Variants in S100Z observed in about 807,000 individuals in gnomAD.
The protein encoded by S100Z is S100 calcium binding protein Z, also known as protein S100-Z.
Under a neutral mutation model 8.5 loss-of-function variants are expected in S100Z, and 11 were observed. The observed-to-expected ratio is 1.30, with a 90% confidence interval of 0.82 to 2.15. The LOEUF (loss-of-function observed/expected upper bound fraction) is 2.15, where lower values mean the gene tolerates loss of function less well. S100Z is among the 30% of genes most tolerant of loss of function. The pLI, the probability that S100Z is intolerant of heterozygous loss-of-function variation, is 0.00. For missense variants in S100Z, 126 were observed against 117.9 expected, an observed-to-expected ratio of 1.07 and a Z score of -0.32; for synonymous variants, 34 against 43.8, an observed-to-expected ratio of 0.78 and a Z score of 0.89.
chr5:76,871,461 G>T (rs1481293749), intron 2 of S100Z, among the ~76,000 whole-genome samples: 10 of 151,040 alleles, frequency 6.6e-5, no homozygotes, highest in Non-Finnish European at 1.5e-5. Flanking sequence ...TCTTTCTGCT[G>T]ACTTCAAGTC....
intron 4 of S100Z, among the ~76,000 whole-genome samples, chr5:76,888,263 A>T (rs1304333675): frequency 2.6e-5 from 4 of 151,464 alleles, no homozygotes; most frequent in African/African-American, 9.7e-5. Flanking sequence ...TCTCAAAAAA[A>T]AGAAAAAAAA....
intron 4 of S100Z, among the ~76,000 whole-genome samples, chr5:76,893,542 C>CAAAA (rs202051229): frequency 2.1e-5 from 3 of 142,556 alleles, no homozygotes; most frequent in African/African-American, 7.7e-5. Context: ...GATCTTATCT[C>CAAAA]AAAAAAAAAA....
At chr5:76,929,515 T>C in the S100Z span, among the ~76,000 whole-genome samples, 756 of 152,338 alleles carry the variant, frequency 5.0e-3, 6 homozygotes, top group Admixed American at 0.011. Context: ...TTTGGCCAAA[T>C]ATAAGTGCAT....
downstream of S100Z, among the ~76,000 whole-genome samples, chr5:76,925,835 C>T (rs1412120257): frequency 8.6e-5 from 13 of 152,016 alleles, no homozygotes; most frequent in South Asian, 4.2e-4. Context: ...GGTGTGGTGG[C>T]GTGCACCTGT....
chr5:76,924,960 A>T (rs6864739), downstream of S100Z, among the ~76,000 whole-genome samples: 7 of 151,938 alleles, frequency 4.6e-5, no homozygotes, highest in African/African-American at 1.7e-4. Flanking sequence ...TTTCAGAGTC[A>T]GAAAGCAGGA....
At chr5:76,890,557 G>C (rs1390885679) in intron 4 of S100Z, among the ~76,000 whole-genome samples, 1 of 152,164 alleles carries the variant, frequency 6.6e-6, no homozygotes, top group Non-Finnish European at 1.5e-5. Context: ...GTCTGAGGCT[G>C]GATGATTGCT....
At chr5:76,931,616 G>A in the S100Z span, among the ~76,000 whole-genome samples, 63 of 152,278 alleles carry the variant, frequency 4.1e-4, no homozygotes, top group Middle Eastern at 3.4e-3. Context: ...GCCCCGTAGC[G>A]TGGTTGAACC....
chr5:76,906,487 T>C (rs1744426196), intron 4 of S100Z, among the ~76,000 whole-genome samples: 1 of 152,202 alleles, frequency 6.6e-6, no homozygotes, highest in Admixed American at 6.5e-5. Context: ...CTGCTTCTAG[T>C]TCAACTTTTT....
chr5:76,916,532 C>CA (rs562923963), intron 4 of S100Z, among the ~76,000 whole-genome samples: 4,170 of 88,356 alleles, frequency 0.047, 143 homozygotes, highest in African/African-American at 0.11. Context: ...TGTCCTAGGC[C>CA]AAAAAAAAAA....
the S100Z span, among the ~76,000 whole-genome samples, chr5:76,950,907 C>T: frequency 3.9e-5 from 6 of 152,184 alleles, no homozygotes; most frequent in Admixed American, 6.5e-5. Flanking sequence ...CCATTTCTCT[C>T]ACCTATTTTT....
the S100Z span, among the ~76,000 whole-genome samples, chr5:76,929,686 T>C: frequency 6.6e-6 from 1 of 152,204 alleles, no homozygotes; most frequent in Non-Finnish European, 1.5e-5. Context: ...TGTTATTATA[T>C]GCAGCCTGTG....
chr5:76,852,761 C>T (rs1016179762), intron 1 of S100Z, among the ~76,000 whole-genome samples: 5 of 152,092 alleles, frequency 3.3e-5, no homozygotes, highest in South Asian at 2.1e-4. Context: ...GAACATGACC[C>T]GGCTGTAGGT....
intron 4 of S100Z, among the ~76,000 whole-genome samples, chr5:76,889,146 G>C (rs1056748420): frequency 6.6e-6 from 1 of 152,140 alleles, no homozygotes; most frequent in Non-Finnish European, 1.5e-5. Flanking sequence ...TACCTGAGCA[G>C]GACTTCCCTC....
At chr5:76,856,284 C>G (rs1750879618) in intron 1 of S100Z, among the ~76,000 whole-genome samples, 1 of 152,174 alleles carries the variant, frequency 6.6e-6, no homozygotes, top group Non-Finnish European at 1.5e-5. Context: ...CTCTGCACCC[C>G]CTACCTCCAA....
chr5:76,871,909 C>G (rs1296819882), intron 2 of S100Z, among the ~76,000 whole-genome samples: 2 of 152,170 alleles, frequency 1.3e-5, no homozygotes, highest in Non-Finnish European at 2.9e-5. Context: ...CTTACATATA[C>G]TGATTTATGA....
chr5:76,924,204 C>T (rs771232795), downstream of S100Z, among the ~76,000 whole-genome samples: 1 of 152,178 alleles, frequency 6.6e-6, no homozygotes, highest in Non-Finnish European at 1.5e-5. Context: ...CCATTCATTA[C>T]CCCTAAAAAT....
chr5:76,914,377 C>CAA (rs1744781666), intron 4 of S100Z, among the ~76,000 whole-genome samples: 1 of 142,736 alleles, frequency 7.0e-6, no homozygotes, highest in Non-Finnish European at 1.5e-5. Flanking sequence ...GGTTTGTAAA[C>CAA]ACACCAATCA....
intron 4 of S100Z, among the ~76,000 whole-genome samples, chr5:76,893,335 A>G (rs1743930340): frequency 6.6e-6 from 1 of 152,096 alleles, no homozygotes; most frequent in Non-Finnish European, 1.5e-5. Context: ...GATGGGGTAG[A>G]AAGCAAAAGT....
chr5:76,933,892 C>T, the S100Z span, among the ~76,000 whole-genome samples: 1 of 151,422 alleles, frequency 6.6e-6, no homozygotes, highest in Admixed American at 6.5e-5. Context: ...CTTCCTATTC[C>T]TTCTTCCCCC....
Sources: allele counts gnomAD v4.1 joint callset (sites outside exome capture counted in the v4.1 genomes callset), GRCh38; gene constraint gnomAD v4.1.1; transcripts MANE v1.5; gene names NCBI Gene and HGNC (gene_info 2026-07-23, HGNC 2026-07-21).